Variants in CTNND1 observed in about 807,000 individuals in gnomAD.
The protein encoded by CTNND1 is catenin delta 1, also known as catenin delta-1.
CTNND1 carries 16 observed loss-of-function variants against 112.1 expected under a neutral mutation model. The observed-to-expected ratio is 0.14, with a 90% confidence interval of 0.10 to 0.22. The LOEUF (loss-of-function observed/expected upper bound fraction) is 0.22. Ranked by LOEUF, CTNND1 falls within the 10% of genes least tolerant of loss-of-function variation. CTNND1 has a pLI of 1.00. For missense variants in CTNND1, 1,008 were observed against 1,257.0 expected, an observed-to-expected ratio of 0.80 and a Z score of 3.00; for synonymous variants, 420 against 446.5, an observed-to-expected ratio of 0.94 and a Z score of 0.75.
intron 3 of CTNND1, chr11:57,793,213 T>G (rs2060966616): frequency 6.6e-6 from 1 of 152,228 alleles, no homozygotes; most frequent in African/African-American, 2.4e-5. Flanking sequence ...CCAAGGTGGT[T>G]GGATCTCACT....
intron 1 of CTNND1, among the ~76,000 whole-genome samples, chr11:57,767,703 G>C (rs1041823344): frequency 1.3e-5 from 2 of 151,910 alleles, no homozygotes; most frequent in African/African-American, 4.8e-5. Context: ...AGATTGTTGT[G>C]ACACTTAAGT....
chr11:57,769,934 T>C (rs1359214195), intron 1 of CTNND1, among the ~76,000 whole-genome samples: 1 of 152,138 alleles, frequency 6.6e-6, no homozygotes, highest in Non-Finnish European at 1.5e-5. Flanking sequence ...AAAAAAAAAA[T>C]TACTTTCTCC....
chr11:57,818,931 G>A lies in CTNND1; in HGVS notation c.*2623G>A, dbSNP rs1403269419. ...GTACTGACCACTGGGCCATAATGTT[G>A]CTTCTCAGGCTATATGCAGTCCTTT... On this transcript the variant is annotated 3_prime_UTR_variant, in exon 21 of 21. Coordinates refer to ENST00000399050, the MANE Select transcript of CTNND1 (RefSeq NM_001085458.2). 4 of 152,166 alleles carry A rather than the reference G, an allele frequency of 2.6e-5. No homozygotes were observed. The highest frequency in any genetic ancestry group is 2.9e-5 in the Non-Finnish European group (2 of 68,018). 9.4% of individuals were successfully genotyped at this position (152,166 alleles called of 1,614,324 possible). A position where few individuals can be genotyped will look rare whatever the true frequency, so the allele number is the denominator to read the frequency against.
At chr11:57,800,973 T>C (rs555702444) in intron 6 of CTNND1, among the ~76,000 whole-genome samples, 2 of 152,368 alleles carry the variant, frequency 1.3e-5, no homozygotes, top group East Asian at 3.9e-4. Flanking sequence ...AAATGTGATG[T>C]TGGTGAATAG....
chr11:57,816,235 TG>T (rs59803542), intron 20 of CTNND1, 61 bp from the exon 21 acceptor site: 181 of 1,599,646 alleles, frequency 1.1e-4, no homozygotes, highest in East Asian at 7.1e-4. Context: ...TCAACTTTTT[TG>T]GGGGGGGTCT....
At chr11:57,783,357 G>T (rs1176860845) in intron 1 of CTNND1, among the ~76,000 whole-genome samples, 1 of 151,194 alleles carries the variant, frequency 6.6e-6, no homozygotes, top group Non-Finnish European at 1.5e-5. Context: ...TTGGACTCTG[G>T]TATAAGCACT....
rs1175582970 is a variant in CTNND1 at position 57,808,067 on chromosome 11, T to TAGGGAA, written c.1964-98_1964-97insAGGGAA. 1.5e-6 allele frequency: 2 copies of TAGGGAA among 1,311,508 alleles called. 1 individual carries two copies. Among genetic ancestry groups the TAGGGAA allele is most frequent in the Non-Finnish European group, 2.1e-6 (2 of 963,028 alleles). 81.2% of individuals were successfully genotyped at this position (1,311,508 alleles called of 1,614,324 possible). ...GAACCTGATGGTATAGAAGCATAAA[T>TAGGGAA]CCATCAACTGAGAGTACTAAGGCTG... On this transcript the variant is annotated intron_variant, in intron 12 of 20. Coordinates refer to ENST00000399050, the MANE Select transcript of CTNND1 (RefSeq NM_001085458.2).
Position 57,815,447 on chromosome 11 carries a change from C to A in CTNND1, c.2755C>A (p.Arg919=). The A allele has an allele frequency of 3.1e-6, 5 of 1,612,344 alleles. No homozygotes were observed. The highest frequency in any genetic ancestry group is 4.2e-6 in the Non-Finnish European group (5 of 1,179,250). The change falls in exon 19 of 21, where the codon CGA becomes AGA. Residue 919 remains arginine, a synonymous_variant. Coordinates refer to ENST00000399050, the MANE Select transcript of CTNND1 (RefSeq NM_001085458.2). ...ERGDHNRTLD[R]SGDLGDMEPL... ...AGGAGACCACAATAGAACACTGGAT[C>A]GATCGGGGGATCTAGGCGACATGGA...
In CTNND1 at chr11:57,787,965, A is replaced by G. The variant is rs570585143; in HGVS notation, c.-213-1072A>G. ...GTTGCAGGGCCATTTATGGCCATCT[A>G]TACACTTTCTCTTTGCAGCAGGGAA... is the stretch of plus-strand genomic sequence containing the variant. On this transcript the variant is annotated intron_variant, in intron 1 of 20. Coordinates refer to ENST00000399050, the MANE Select transcript of CTNND1 (RefSeq NM_001085458.2). 3.9e-5 allele frequency among the ~76,000 whole-genome samples: 6 copies of G among 152,318 alleles called. No individual in the cohort carries two copies. The South Asian group carries it at 1.2e-3, about 32-fold the overall frequency.
rs111274118 is a variant in CTNND1 at position 57,782,133 on chromosome 11, G to A, written c.-213-6904G>A. On this transcript the variant is annotated intron_variant, in intron 1 of 20. Coordinates refer to ENST00000399050, the MANE Select transcript of CTNND1 (RefSeq NM_001085458.2). ...AGGGAGTTTAAGGTACCCTGTTGAT[G>A]TATAGAGGTTGCCAGCTCAAATTCC... 1.7e-3 allele frequency among the ~76,000 whole-genome samples: 266 copies of A among 152,130 alleles called. 1 individual carries two copies. Among genetic ancestry groups the A allele is most frequent in the African/African-American group, 5.9e-3 (247 of 41,516 alleles).
chr11:57,806,425 C>T (rs993556644), intron 10 of CTNND1, 36 bp from the exon 11 acceptor site: 2 of 1,581,420 alleles, frequency 1.3e-6, no homozygotes, highest in African/African-American at 2.7e-5. Flanking sequence ...TTTCATTTCT[C>T]TTCTCTGCTT....
chr11:57,789,081 T>G lies in CTNND1; in HGVS notation c.-169T>G. On this transcript the variant is annotated 5_prime_UTR_variant, in exon 2 of 21. Transcript: ENST00000399050. ...TCCTTGCTGTGGTGGCTGGGATGCT[T>G]CTTCCATGATTTTTTGAATCTAGAC... The G allele has an allele frequency of 6.5e-7, 1 of 1,535,788 alleles. No individual in the cohort carries two copies. Among genetic ancestry groups the G allele is most frequent in the Non-Finnish European group, 8.7e-7 (1 of 1,146,892 alleles).
chr11:57,804,384 T>G (rs1004539435), intron 8 of CTNND1, among the ~76,000 whole-genome samples: 6 of 152,340 alleles, frequency 3.9e-5, no homozygotes, highest in African/African-American at 1.4e-4. Context: ...TGTGTTCCAT[T>G]CTACATATGT....
At position 57,816,002 on chromosome 11, in the gene CTNND1, G is replaced by GTA; in HGVS notation, c.2895+3_2895+4dup. 1 of 1,576,266 alleles carries GTA rather than the reference G, an allele frequency of 6.3e-7. No homozygotes were observed. Among genetic ancestry groups the GTA allele is most frequent in the Admixed American group, 2.1e-5 (1 of 47,896 alleles). ...GGGCCAAGTGTCTTACCCCTCCATG[G>GTA]TATGTCCTTCAGTCACCCCCAAGAT... On this transcript the variant is annotated splice_donor_variant, in intron 20 of 20. Coordinates refer to ENST00000399050, the MANE Select transcript of CTNND1 (RefSeq NM_001085458.2). LOFTEE classifies it high-confidence loss of function.
In CTNND1 at chr11:57,802,183, T is replaced by C; in HGVS notation, c.1407T>C (p.Thr469=). 6.2e-7 allele frequency: 1 copy of C among 1,611,222 alleles called. No individual in the cohort carries two copies. Among genetic ancestry groups the C allele is most frequent in the Non-Finnish European group, 8.5e-7 (1 of 1,178,138 alleles). ...GAAAGGCTCGTGATATGGACCTTAC[T>C]GAAGTTATTACCGGTGAGTTCTAGG... ...LLRKARDMDL[T]EVITGTLWNL... The change falls in exon 7 of 21, where the codon ACT becomes ACC. Residue 469 remains threonine, a synonymous_variant. Transcript: ENST00000399050.
chr11:57,778,095 G>A (rs1037132584), intron 1 of CTNND1, among the ~76,000 whole-genome samples: 1 of 152,062 alleles, frequency 6.6e-6, no homozygotes, highest in Non-Finnish European at 1.5e-5. Flanking sequence ...CCTCTTTGCC[G>A]CCAGGATTTG....
intron 1 of CTNND1, among the ~76,000 whole-genome samples, chr11:57,784,793 G>A (rs4611222): frequency 0.4 from 60,412 of 152,006 alleles, 12,472 homozygotes; most frequent in Middle Eastern, 0.48. Flanking sequence ...GGCATGAGCC[G>A]TGGTGCCCGG....
chr11:57,811,342 A>G (rs1265829904), intron 16 of CTNND1, 57 bp from the exon 17 acceptor site: 5 of 1,420,458 alleles, frequency 3.5e-6, no homozygotes, highest in Non-Finnish European at 4.9e-6. Flanking sequence ...CCATTAGAGC[A>G]TAAGATAGGG....
At chr11:57,776,820 CT>C (rs781573370) in intron 1 of CTNND1, among the ~76,000 whole-genome samples, 5 of 152,200 alleles carry the variant, frequency 3.3e-5, no homozygotes, top group Non-Finnish European at 7.3e-5. Flanking sequence ...ATGCAGAGAA[CT>C]TGCCAAGCAT....
Sources: gnomAD v4.1 joint callset for allele counts (sites outside exome capture counted in the v4.1 genomes callset) on GRCh38, gnomAD v4.1.1 for gene constraint, MANE v1.5 for transcripts, NCBI Gene and HGNC (gene_info 2026-07-23, HGNC 2026-07-21) for gene names.